ACACB: variants seen among roughly 807,000 people sequenced by gnomAD.
The protein encoded by ACACB is acetyl-CoA carboxylase beta.
A neutral mutation model predicts 278.8 loss-of-function variants in ACACB; 209 were observed. That is an observed-to-expected ratio of 0.75 (90% confidence interval 0.67 to 0.84). The LOEUF (loss-of-function observed/expected upper bound fraction) is 0.84, where lower values mean the gene tolerates loss of function less well. Ranked by LOEUF, ACACB falls within the 40% of genes least tolerant of loss-of-function variation. The pLI, the probability that ACACB is intolerant of heterozygous loss-of-function variation, is 0.00. For missense variants in ACACB, 2,850 were observed against 3,269.0 expected (o/e 0.87, Z 3.13); for synonymous variants, 1,174 against 1,285.6 (o/e 0.91, Z 1.86).
chr12:109,242,872 G>A (rs1243648553), intron 37 of ACACB, among the ~76,000 whole-genome samples: 1 of 152,172 alleles, frequency 6.6e-6, no homozygotes, highest in Non-Finnish European at 1.5e-5. Context: ...GGCTGAGGCA[G>A]GAAGGATCAC....
chr12:109,193,051 G>A (rs1322144820), intron 15 of ACACB, among the ~76,000 whole-genome samples: 2 of 152,134 alleles, frequency 1.3e-5, no homozygotes, highest in Non-Finnish European at 2.9e-5. Context: ...CCGAAGGCAG[G>A]ATCCCATATG....
chr12:109,172,141 C>T (rs1260852578), intron 5 of ACACB, 134 bp from the exon 6 acceptor site: 14 of 905,368 alleles, frequency 1.5e-5, no homozygotes, highest in Middle Eastern at 3.5e-4. Context: ...AGGCTGGTCT[C>T]GAACTCCTGG....
chr12:109,219,130 C>G (rs1213780751), intron 24 of ACACB, among the ~76,000 whole-genome samples: 1 of 152,088 alleles, frequency 6.6e-6, no homozygotes, highest in Non-Finnish European at 1.5e-5. Context: ...ACGTCCACCC[C>G]CTATTGCCAC....
At chr12:109,234,138 C>T in intron 31 of ACACB, 93 bp downstream of exon 31, 16 of 1,039,962 alleles carry the variant, frequency 1.5e-5, no homozygotes, top group Non-Finnish European at 2.3e-5. Context: ...GGCAGGCGTG[C>T]TGAGTACTTC....
At chr12:109,149,972 G>A (rs553367691) in intron 2 of ACACB, among the ~76,000 whole-genome samples, 1 of 152,308 alleles carries the variant, frequency 6.6e-6, no homozygotes, top group South Asian at 2.1e-4. Context: ...GTGACTTGGG[G>A]CCAAGTTCTG....
intron 1 of ACACB, among the ~76,000 whole-genome samples, chr12:109,125,105 T>C (rs1307381347): frequency 1.3e-5 from 2 of 152,342 alleles, no homozygotes; most frequent in East Asian, 1.9e-4. Flanking sequence ...TGGTTGATTA[T>C]GTCCTTTTTT....
chr12:109,245,063 G>A (rs1167228548), intron 37 of ACACB, among the ~76,000 whole-genome samples: 1 of 152,052 alleles, frequency 6.6e-6, no homozygotes, highest in African/African-American at 2.4e-5. Flanking sequence ...GCCAGGTGTG[G>A]TGGTGCCTCA....
chr12:109,170,317 A>C (rs1017937878), intron 4 of ACACB, among the ~76,000 whole-genome samples: 1 of 152,090 alleles, frequency 6.6e-6, no homozygotes, highest in Non-Finnish European at 1.5e-5. Flanking sequence ...TGCCCGCCTC[A>C]GCCTCCCAAA....
At chr12:109,174,808 T>TCACC (rs2044232977) in intron 7 of ACACB, among the ~76,000 whole-genome samples, 2 of 152,134 alleles carry the variant, frequency 1.3e-5, no homozygotes, top group African/African-American at 4.8e-5. Flanking sequence ...AGGTCGAGGT[T>TCACC]ACAGTGAACT....
chr12:109,261,946 T>G (rs554882803), intron 48 of ACACB, among the ~76,000 whole-genome samples: 3 of 150,436 alleles, frequency 2.0e-5, no homozygotes, highest in African/African-American at 7.3e-5. Context: ...CACACAAGAC[T>G]ACACTGGGCT....
chr12:109,215,232 G>A (rs2136458875), intron 22 of ACACB, among the ~76,000 whole-genome samples: 1 of 151,974 alleles, frequency 6.6e-6, no homozygotes, highest in Admixed American at 6.6e-5. Context: ...AACAGTTAAA[G>A]CTTGCTAAAA....
chr12:109,266,349 C>T lies in ACACB; in HGVS notation c.7364C>T (p.Pro2455Leu), dbSNP rs775854758. 24 of 1,607,642 alleles carry T rather than the reference C, an allele frequency of 1.5e-5. No homozygotes were observed. Among genetic ancestry groups the T allele is most frequent in the Middle Eastern group, 3.3e-4 (2 of 6,038 alleles). ...CACCTGCTGTCTACCATGGACAGCC[C>T]GGCCTCCACCTGACCGTGGCCCGCC... ...VVHLLSTMDS[P>L]AST is the part of the protein sequence containing the mutation. The change falls in exon 53 of 53, where the codon CCG becomes CTG. Residue 2455 changes from proline to leucine, a missense_variant. Coordinates refer to ENST00000338432, the MANE Select transcript of ACACB (RefSeq NM_001093.4).
intron 21 of ACACB, among the ~76,000 whole-genome samples, chr12:109,210,079 ATG>A (rs752446025): frequency 1.6e-5 from 2 of 124,334 alleles, no homozygotes; most frequent in South Asian, 4.8e-4. Context: ...ATGTGTATAT[ATG>A]TATATATACA....
At chr12:109,252,908 G>A in intron 42 of ACACB, 107 bp from the exon 43 acceptor site, 1 of 1,131,460 alleles carries the variant, frequency 8.8e-7, no homozygotes, top group Non-Finnish European at 1.2e-6. Flanking sequence ...AATCTCCTGG[G>A]TGATTCTAAT....
At chr12:109,261,285 CAATG>C (rs1270223490) in intron 48 of ACACB, among the ~76,000 whole-genome samples, 1 of 152,184 alleles carries the variant, frequency 6.6e-6, no homozygotes, top group East Asian at 1.9e-4. Flanking sequence ...TTTGCTAATT[CAATG>C]AATATCCATT....
chr12:109,257,862 T>C (rs1304818451), intron 45 of ACACB, among the ~76,000 whole-genome samples: 1 of 152,222 alleles, frequency 6.6e-6, no homozygotes, highest in African/African-American at 2.4e-5. Context: ...TAAGCCACCA[T>C]GCCCGGCTCC....
upstream of ACACB, among the ~76,000 whole-genome samples, chr12:109,113,990 T>C (rs571025851): frequency 6.6e-6 from 1 of 151,996 alleles, no homozygotes; most frequent in Non-Finnish European, 1.5e-5. Flanking sequence ...TTTTTTTTTC[T>C]TTTTTTTGCG....
chr12:109,185,345 A>G lies in ACACB; in HGVS notation c.1819-234A>G, dbSNP rs564302081. Reference sequence around the variant, plus strand: ...CTTGTTGTGTGATGTTGTTTCATAAATATTTTTCCTTTTCCCAACTGTACT... The same window carrying G: ...CTTGTTGTGTGATGTTGTTTCATAAGTATTTTTCCTTTTCCCAACTGTACT... On this transcript the variant is annotated intron_variant, in intron 11 of 52. Coordinates refer to ENST00000338432, the MANE Select transcript of ACACB (RefSeq NM_001093.4). 7.2e-5 allele frequency among the ~76,000 whole-genome samples: 11 copies of G among 152,326 alleles called. No individual in the cohort carries two copies. In the South Asian group the frequency reaches 1.7e-3, roughly 23 times the overall value.
At chr12:109,151,788 A>G (rs2268405) in intron 2 of ACACB, among the ~76,000 whole-genome samples, 28,075 of 152,202 alleles carry the variant, frequency 0.18, 2,786 homozygotes, top group East Asian at 0.25. Flanking sequence ...AGCAACTACC[A>G]CCATGCTTGA....
Sources: allele counts gnomAD v4.1 joint callset (sites outside exome capture counted in the v4.1 genomes callset), GRCh38; gene constraint gnomAD v4.1.1; transcripts MANE v1.5; gene names NCBI Gene and HGNC (gene_info 2026-07-23, HGNC 2026-07-21).